ADGRL2: variants seen among roughly 807,000 people sequenced by gnomAD.
The protein encoded by ADGRL2 is adhesion G protein-coupled receptor L2, also known as calcium-independent alpha-latrotoxin receptor 2.
In ADGRL2, 44 loss-of-function variants were observed where a neutral mutation model predicts 157.4. That is an observed-to-expected ratio of 0.28 (90% CI 0.22 to 0.36). The LOEUF is 0.36. Ranked by LOEUF, ADGRL2 falls within the 10% of genes least tolerant of loss-of-function variation. ADGRL2 has a pLI of 1.00. For missense variants in ADGRL2, 1,510 were observed against 1,768.9 expected, an observed-to-expected ratio of 0.85 and a Z score of 2.63; for synonymous variants, 585 against 624.7, an observed-to-expected ratio of 0.94 and a Z score of 0.95.
At chr1:81,356,821 T>C (rs767810440) in intron 1 of ADGRL2, among the ~76,000 whole-genome samples, 23 of 151,348 alleles carry the variant, frequency 1.5e-4, no homozygotes, top group Non-Finnish European at 2.2e-4. Flanking sequence ...AGCGTGGTGG[T>C]GGGAGCCTGT....
chr1:81,716,721 G>T (rs187001234), intron 1 of ADGRL2, among the ~76,000 whole-genome samples: 2 of 152,198 alleles, frequency 1.3e-5, no homozygotes, highest in African/African-American at 4.8e-5. Flanking sequence ...CCACCAAAAG[G>T]AGCATAAAAG....
upstream of ADGRL2, among the ~76,000 whole-genome samples, chr1:81,697,283 A>G (rs975642781): frequency 1.3e-5 from 2 of 152,214 alleles, no homozygotes; most frequent in African/African-American, 4.8e-5. Flanking sequence ...TATCTATGTC[A>G]TAAGGACACT....
At chr1:81,695,724 G>A (rs1473173441), upstream of ADGRL2, among the ~76,000 whole-genome samples, 1 of 152,016 alleles carries the variant, frequency 6.6e-6, no homozygotes, top group Non-Finnish European at 1.5e-5. Flanking sequence ...GGGAGGCTGA[G>A]GCAGGAGAAT....
chr1:81,901,487 T>C (rs539589563), intron 2 of ADGRL2, among the ~76,000 whole-genome samples: 1 of 152,212 alleles, frequency 6.6e-6, no homozygotes, highest in East Asian at 1.9e-4. Context: ...CTTCAAGATT[T>C]GTCTTTATAA....
chr1:81,829,876 A>G (rs541965869), intron 1 of ADGRL2, among the ~76,000 whole-genome samples: 189 of 152,244 alleles, frequency 1.2e-3, no homozygotes, highest in Middle Eastern at 3.4e-3. Flanking sequence ...GATGCTTGCT[A>G]CTGCAGTCCT....
At chr1:81,534,288 A>G (rs1402730095) in intron 2 of ADGRL2, among the ~76,000 whole-genome samples, 1 of 151,950 alleles carries the variant, frequency 6.6e-6, no homozygotes, top group African/African-American at 2.4e-5. Context: ...CAGCCTCCCA[A>G]ATACCTGGGA....
At chr1:81,421,557 G>T (rs544123790) in intron 1 of ADGRL2, among the ~76,000 whole-genome samples, 2 of 152,228 alleles carry the variant, frequency 1.3e-5, no homozygotes, top group South Asian at 2.1e-4. Flanking sequence ...CCTTTATACT[G>T]CATGTGCTTT....
intron 1 of ADGRL2, among the ~76,000 whole-genome samples, chr1:81,708,928 C>T (rs1346783718): frequency 1.3e-5 from 2 of 152,100 alleles, no homozygotes; most frequent in Admixed American, 6.5e-5. Context: ...TAGATGGGTC[C>T]ATTATTTTCC....
At chr1:81,327,207 C>T (rs1255167320) in intron 1 of ADGRL2, among the ~76,000 whole-genome samples, 1 of 152,020 alleles carries the variant, frequency 6.6e-6, no homozygotes, top group Non-Finnish European at 1.5e-5. Context: ...ATTATCAAAT[C>T]CAGACTGCAG....
chr1:81,830,045 C>T (rs1050799372), intron 1 of ADGRL2, among the ~76,000 whole-genome samples: 1 of 152,090 alleles, frequency 6.6e-6, no homozygotes, highest in African/African-American at 2.4e-5. Context: ...ACATTTACTA[C>T]CATTAAGTTT....
At chr1:81,725,173 C>A (rs1391679185) in intron 1 of ADGRL2, among the ~76,000 whole-genome samples, 1 of 136,506 alleles carries the variant, frequency 7.3e-6, no homozygotes, top group African/African-American at 2.8e-5. Context: ...CCACTGCACT[C>A]TAGTCTGGGC....
At chr1:81,593,329 T>A (rs2148597917) in intron 3 of ADGRL2, among the ~76,000 whole-genome samples, 1 of 152,312 alleles carries the variant, frequency 6.6e-6, no homozygotes, top group African/African-American at 2.4e-5. Context: ...TCAGTTTCTA[T>A]CCCATGCTCT....
chr1:81,618,350 A>G (rs902765196), intron 3 of ADGRL2, among the ~76,000 whole-genome samples: 6 of 152,190 alleles, frequency 3.9e-5, no homozygotes, highest in East Asian at 3.9e-4. Flanking sequence ...ACTGTTCCCT[A>G]TCCACTCAGA....
intron 3 of ADGRL2, among the ~76,000 whole-genome samples, chr1:81,930,114 G>A (rs1237589824): frequency 1.3e-5 from 2 of 152,060 alleles, no homozygotes; most frequent in Admixed American, 1.3e-4. Flanking sequence ...GAGATAAACA[G>A]TATGCTATAT....
chr1:81,745,918 A>AG, intron 1 of ADGRL2, among the ~76,000 whole-genome samples: 1 of 152,316 alleles, frequency 6.6e-6, no homozygotes, highest in South Asian at 2.1e-4. Context: ...CGAGGCCAAA[A>AG]GAATGAGTAT....
At chr1:81,834,318 G>C (rs369339395) in intron 1 of ADGRL2, among the ~76,000 whole-genome samples, 2 of 152,072 alleles carry the variant, frequency 1.3e-5, no homozygotes, top group East Asian at 1.9e-4. Flanking sequence ...ACCTTTTCTG[G>C]TTTTGTTATT....
At chr1:81,364,734 C>G (rs1441971574) in intron 1 of ADGRL2, among the ~76,000 whole-genome samples, 2 of 150,752 alleles carry the variant, frequency 1.3e-5, no homozygotes, top group South Asian at 2.1e-4. Context: ...GAGTCTTGCT[C>G]TGTCGCCCAG....
intron 11 of ADGRL2, among the ~76,000 whole-genome samples, chr1:81,956,912 A>C (rs1437095296): frequency 2.0e-5 from 3 of 152,154 alleles, no homozygotes; most frequent in Non-Finnish European, 4.4e-5. Context: ...ATGCCTAATT[A>C]TGCCTTATTG....
chr1:81,847,916 T>TTTTGTCTAAGTATTAA (rs1553168005), intron 2 of ADGRL2, among the ~76,000 whole-genome samples: 1 of 151,594 alleles, frequency 6.6e-6, no homozygotes, highest in Non-Finnish European at 1.5e-5. Flanking sequence ...TAATTGTTGT[T>TTTTGTCTAAGTATTAA]TTTGCCTAAG....
Sources: gnomAD v4.1 joint callset for allele counts (sites outside exome capture counted in the v4.1 genomes callset) on GRCh38, gnomAD v4.1.1 for gene constraint, MANE v1.5 for transcripts, NCBI Gene and HGNC (gene_info 2026-07-23, HGNC 2026-07-21) for gene names.